MAP4K5: variants seen among roughly 807,000 people sequenced by gnomAD.
MAP4K5 encodes the protein mitogen-activated protein kinase kinase kinase kinase 5.
Under a neutral mutation model 135.6 loss-of-function variants are expected in MAP4K5, and 82 were observed. That is an observed-to-expected ratio of 0.60 (90% CI 0.51 to 0.73). MAP4K5 has a LOEUF of 0.73. Ranked by LOEUF, MAP4K5 falls within the 30% of genes least tolerant of loss-of-function variation. MAP4K5 has a pLI of 0.00. For missense variants in MAP4K5, 907 were observed against 1,010.9 expected (o/e 0.90, Z 1.39); for synonymous variants, 347 against 335.0 (o/e 1.04, Z -0.39).
At chr14:50,434,638 T>C (rs2036049637) in intron 27 of MAP4K5, 67 bp from the exon 28 acceptor site, 7 of 1,409,484 alleles carry the variant, frequency 5.0e-6, no homozygotes, top group Non-Finnish European at 5.8e-6. Flanking sequence ...CACTGTTGAA[T>C]AAAGTCAACA....
chr14:50,430,921 A>G (rs113196810), intron 28 of MAP4K5, among the ~76,000 whole-genome samples: 1 of 152,164 alleles, frequency 6.6e-6, no homozygotes, highest in Non-Finnish European at 1.5e-5. Flanking sequence ...GAGGGCATTC[A>G]TAATAACATA....
In MAP4K5 at chr14:50,522,562, T is replaced by C. The variant is rs1189772178; in HGVS notation, c.108+9380A>G. 2.0e-5 allele frequency among the ~76,000 whole-genome samples: 3 copies of C among 152,154 alleles called. No homozygotes were observed. In the East Asian group the frequency reaches 5.8e-4, roughly 29 times the overall value. On this transcript the variant is annotated intron_variant, in intron 2 of 32. Coordinates refer to ENST00000682126, the MANE Select transcript of MAP4K5 (RefSeq NM_006575.6). ...AATAAAACATGTTTTATTTTCGCAG[T>C]GACCTTATACAACATTTAACATAAC...
At chr14:50,433,230 C>T (rs1017315666) in intron 28 of MAP4K5, among the ~76,000 whole-genome samples, 1 of 152,160 alleles carries the variant, frequency 6.6e-6, no homozygotes, top group Non-Finnish European at 1.5e-5. Context: ...AGGCATACAT[C>T]CAACTCAACT....
chr14:50,485,279 A>G (rs2037340027), intron 5 of MAP4K5, among the ~76,000 whole-genome samples: 1 of 151,558 alleles, frequency 6.6e-6, no homozygotes, highest in Non-Finnish European at 1.5e-5. Context: ...TTGCATTTCA[A>G]TTTTTTTTTA....
At chr14:50,518,127 A>C (rs2038072178) in intron 2 of MAP4K5, among the ~76,000 whole-genome samples, 1 of 152,242 alleles carries the variant, frequency 6.6e-6, no homozygotes, top group Non-Finnish European at 1.5e-5. Context: ...TCCAAAAAAA[A>C]GACCAACTAC....
At chr14:50,434,933 G>A in intron 27 of MAP4K5, 29 bp downstream of exon 27, 1 of 1,462,284 alleles carries the variant, frequency 6.8e-7, no homozygotes, top group Non-Finnish European at 9.5e-7. Flanking sequence ...TTTTCTAAAG[G>A]AAAAAAATGT....
intron 1 of MAP4K5, among the ~76,000 whole-genome samples, chr14:50,558,321 T>C (rs1194555437): frequency 2.0e-5 from 3 of 152,186 alleles, no homozygotes; most frequent in Non-Finnish European, 4.4e-5. Context: ...ATCACGCCAC[T>C]GCACTCCGGC....
intron 30 of MAP4K5, 145 bp downstream of exon 30, chr14:50,428,517 A>G (rs1194547639): frequency 2.2e-6 from 1 of 459,572 alleles, no homozygotes; most frequent in Non-Finnish European, 3.8e-6. Flanking sequence ...TGGCCTCCCA[A>G]AGTGCTGGGA....
At position 50,458,692 on chromosome 14, in the gene MAP4K5, C is replaced by T. The variant is rs551732789; in HGVS notation, c.937-2098G>A. On this transcript the variant is annotated intron_variant, in intron 13 of 32. Transcript: ENST00000682126. ...TTTGGGAGAAATGTCAGGTTTTGTG[C>T]TAGGCTCTCTTCTCATTCTACATGC... Among the ~76,000 whole-genome samples, 19 of 152,294 alleles carry T rather than the reference C, an allele frequency of 1.2e-4. No individual in the cohort carries two copies. The East Asian group carries it at 3.5e-3, about 28-fold the overall frequency.
At chr14:50,553,529 G>A (rs1287767401) in intron 1 of MAP4K5, among the ~76,000 whole-genome samples, 5 of 152,036 alleles carry the variant, frequency 3.3e-5, no homozygotes, top group Admixed American at 6.5e-5. Context: ...CAACCACTAC[G>A]GAAAACAGTA....
Position 50,461,911 on chromosome 14 carries a change from C to T in MAP4K5, c.936+754G>A, listed in dbSNP as rs545078591. Among the ~76,000 whole-genome samples the T allele has an allele frequency of 8.0e-5, 12 of 150,732 alleles. No individual in the cohort carries two copies. In the South Asian group the frequency reaches 1.0e-3, roughly 13 times the overall value. On this transcript the variant is annotated intron_variant, in intron 13 of 32. Coordinates refer to ENST00000682126, the MANE Select transcript of MAP4K5 (RefSeq NM_006575.6). ...TCCAACCTGGCGACAGAGCGAGACT[C>T]CATCTCAAAAAAAAAAAAAGAAAAT...
At chr14:50,519,469 A>G (rs557696653) in intron 2 of MAP4K5, among the ~76,000 whole-genome samples, 175 of 152,204 alleles carry the variant, frequency 1.1e-3, no homozygotes, top group Non-Finnish European at 1.9e-3. Context: ...AGCCTGGCCA[A>G]CACGGTGAAA....
intron 6 of MAP4K5, among the ~76,000 whole-genome samples, chr14:50,477,367 T>C (rs1039841798): frequency 1.3e-5 from 2 of 152,224 alleles, no homozygotes; most frequent in African/African-American, 2.4e-5. Flanking sequence ...TAGTAGCTAC[T>C]TTGTAGATTT....
At position 50,433,845 on chromosome 14, in the gene MAP4K5, G is replaced by T. The variant is rs562199462; in HGVS notation, c.2164+549C>A. Among the ~76,000 whole-genome samples, 7 of 152,274 alleles carry T rather than the reference G, an allele frequency of 4.6e-5. No individual in the cohort carries two copies. In the South Asian group the frequency reaches 1.5e-3, roughly 32 times the overall value. ...CCACCTCACCCACTTCACATATTAT[G>T]CAGATTTAAAAAATGATTTATTGAA... is the stretch of plus-strand genomic sequence containing the variant. On this transcript the variant is annotated intron_variant, in intron 28 of 32. Coordinates refer to ENST00000682126, the MANE Select transcript of MAP4K5 (RefSeq NM_006575.6).
chr14:50,441,375 A>G (rs2036222063), intron 21 of MAP4K5, among the ~76,000 whole-genome samples: 1 of 152,126 alleles, frequency 6.6e-6, no homozygotes, highest in African/African-American at 2.4e-5. Flanking sequence ...GATACCATGT[A>G]TCTCCTGATA....
At chr14:50,466,277 G>A (rs2139827615) in intron 11 of MAP4K5, among the ~76,000 whole-genome samples, 1 of 150,712 alleles carries the variant, frequency 6.6e-6, no homozygotes, top group African/African-American at 2.4e-5. Flanking sequence ...AGCTACACAA[G>A]AGGCTGAGGA....
intron 1 of MAP4K5, among the ~76,000 whole-genome samples, chr14:50,553,629 A>T (rs2038730353): frequency 1.3e-5 from 2 of 152,198 alleles, no homozygotes; most frequent in Non-Finnish European, 2.9e-5. Flanking sequence ...ATAAGTCATT[A>T]TGTGAAAAAG....
chr14:50,438,886 C>T (rs1454423984), intron 23 of MAP4K5, among the ~76,000 whole-genome samples: 1 of 152,006 alleles, frequency 6.6e-6, no homozygotes, highest in Non-Finnish European at 1.5e-5. Flanking sequence ...AAGATGTACC[C>T]TGTGTAATTT....
At chr14:50,444,889 G>C (rs1826039790) in intron 18 of MAP4K5, among the ~76,000 whole-genome samples, 152 bp downstream of exon 18, 1 of 152,116 alleles carries the variant, frequency 6.6e-6, no homozygotes, top group Admixed American at 6.6e-5. Flanking sequence ...CCTTTACAAA[G>C]CTTTAAGCTA....
Sources: gnomAD v4.1 joint callset for allele counts (sites outside exome capture counted in the v4.1 genomes callset) on GRCh38, gnomAD v4.1.1 for gene constraint, MANE v1.5 for transcripts, NCBI Gene and HGNC (gene_info 2026-07-23, HGNC 2026-07-21) for gene names.